The following PDE1C variants were observed in gnomAD, a reference collection of about 807,000 sequenced individuals.
PDE1C encodes phosphodiesterase 1C, also known as dual specificity calcium/calmodulin-dependent 3',5'-cyclic nucleotide phosphodiesterase 1C.
Under a neutral mutation model 93.1 loss-of-function variants are expected in PDE1C, and 62 were observed. The ratio of observed to expected loss-of-function variants is 0.67; its 90% CI spans 0.54 to 0.82. PDE1C has a LOEUF of 0.82. PDE1C is among the 40% of genes least tolerant of loss of function. The pLI is 0.00. For synonymous variants in PDE1C, 325 were observed against 310.1 expected (o/e 1.05, Z -0.50); for missense variants, 742 against 884.6 (o/e 0.84, Z 2.04).
exon 1 of PDE1C, chr7:32,298,781 C>G (rs2128901399): frequency 6.5e-7 from 1 of 1,548,138 alleles, no homozygotes; most frequent in Non-Finnish European, 8.7e-7. Flanking sequence ...CCAGCGGCGT[C>G]TGCGGTCCCC....
intron 1 of PDE1C, among the ~76,000 whole-genome samples, chr7:32,291,816 C>T (rs142955049): frequency 1.7e-3 from 263 of 152,272 alleles, no homozygotes; most frequent in African/African-American, 6.1e-3. Context: ...TCACCTCTTC[C>T]GGGAGGGGCA....
intron 2 of PDE1C, among the ~76,000 whole-genome samples, chr7:31,937,354 G>A (rs775964171): frequency 6.6e-6 from 1 of 152,166 alleles, no homozygotes; most frequent in African/African-American, 2.4e-5. Context: ...GTGTTATGTG[G>A]TACTATACCA....
chr7:32,285,955 C>T (rs1440352394), intron 1 of PDE1C, among the ~76,000 whole-genome samples: 1 of 152,216 alleles, frequency 6.6e-6, no homozygotes, highest in Non-Finnish European at 1.5e-5. Context: ...CAGCATGTTA[C>T]TTCTCAGTGT....
At chr7:32,119,237 T>A (rs1189731101) in intron 3 of PDE1C, among the ~76,000 whole-genome samples, 1 of 152,056 alleles carries the variant, frequency 6.6e-6, no homozygotes, top group Non-Finnish European at 1.5e-5. Flanking sequence ...CTGCAAACAC[T>A]CTAACTACTA....
chr7:32,088,468 G>A (rs1357256727), intron 3 of PDE1C, among the ~76,000 whole-genome samples: 1 of 152,244 alleles, frequency 6.6e-6, no homozygotes, highest in Admixed American at 6.5e-5. Flanking sequence ...AAGTATTTGG[G>A]GCCGGGCCTT....
intron 2 of PDE1C, among the ~76,000 whole-genome samples, chr7:32,180,880 A>C (rs1039741023): frequency 6.6e-6 from 1 of 152,206 alleles, no homozygotes; most frequent in Non-Finnish European, 1.5e-5. Context: ...AGGATTTAGA[A>C]ATTATGAAGA....
chr7:32,274,018 A>T (rs1269909567), intron 1 of PDE1C, among the ~76,000 whole-genome samples: 1 of 152,102 alleles, frequency 6.6e-6, no homozygotes, highest in Non-Finnish European at 1.5e-5. Context: ...TTGGGCAGAA[A>T]CATACACCAG....
chr7:32,174,085 T>G (rs1444270593), intron 2 of PDE1C, among the ~76,000 whole-genome samples: 1 of 152,158 alleles, frequency 6.6e-6, no homozygotes, highest in Non-Finnish European at 1.5e-5. Flanking sequence ...TAAGATATGG[T>G]CCTATTAATG....
chr7:31,817,397 A>C (rs1262316413), intron 14 of PDE1C, among the ~76,000 whole-genome samples: 1 of 152,178 alleles, frequency 6.6e-6, no homozygotes, highest in African/African-American at 2.4e-5. Flanking sequence ...ACAAGGGCTT[A>C]GTGATAGATG....
At chr7:32,370,447 CA>C (rs34494376) in intron 1 of PDE1C, among the ~76,000 whole-genome samples, 104,104 of 120,220 alleles carry the variant, frequency 0.87, 45,392 homozygotes, top group East Asian at 0.99. Flanking sequence ...AGACTCCTCT[CA>C]AAAAAAAAAA....
At chr7:31,891,918 T>C (rs1798697676) in intron 2 of PDE1C, among the ~76,000 whole-genome samples, 2 of 152,250 alleles carry the variant, frequency 1.3e-5, no homozygotes, top group African/African-American at 4.8e-5. Context: ...TGTGAAATTG[T>C]CCTGTAGTTT....
At chr7:31,968,555 A>G (rs2129045265) in intron 2 of PDE1C, among the ~76,000 whole-genome samples, 1 of 152,258 alleles carries the variant, frequency 6.6e-6, no homozygotes, top group Middle Eastern at 3.4e-3. Context: ...TATAGATTCA[A>G]TGCCATCCCC....
intron 2 of PDE1C, among the ~76,000 whole-genome samples, chr7:32,177,858 T>G (rs1222305842): frequency 6.6e-6 from 1 of 152,176 alleles, no homozygotes; most frequent in Non-Finnish European, 1.5e-5. Context: ...TTACTGTATT[T>G]AATAATAAAC....
chr7:32,229,663 A>G (rs546978106), intron 1 of PDE1C, among the ~76,000 whole-genome samples: 1 of 152,330 alleles, frequency 6.6e-6, no homozygotes, highest in Non-Finnish European at 1.5e-5. Context: ...GGCAATCTGT[A>G]ATCTACCTCA....
intron 17 of PDE1C, among the ~76,000 whole-genome samples, chr7:31,758,818 G>C (rs28455740): frequency 0.15 from 23,360 of 152,114 alleles, 1,989 homozygotes; most frequent in Non-Finnish European, 0.18. Context: ...GTAGAAAGGG[G>C]AGAGGGCTTC....
At chr7:32,032,414 C>A (rs1584525836) in intron 2 of PDE1C, among the ~76,000 whole-genome samples, 1 of 152,192 alleles carries the variant, frequency 6.6e-6, no homozygotes. Flanking sequence ...CTCTCTGCCA[C>A]TGGGGCATAC....
chr7:32,093,964 GAGA>G (rs1490120738), intron 3 of PDE1C, among the ~76,000 whole-genome samples: 2 of 152,200 alleles, frequency 1.3e-5, no homozygotes, highest in African/African-American at 2.4e-5. Context: ...CCAAAAGGGA[GAGA>G]AGGTTGAATG....
At chr7:32,299,973 A>G (rs893711933), upstream of PDE1C, among the ~76,000 whole-genome samples, 4 of 152,194 alleles carry the variant, frequency 2.6e-5, no homozygotes, top group East Asian at 5.8e-4. Context: ...GAAATTTGAC[A>G]CAATTAACGA....
intron 2 of PDE1C, among the ~76,000 whole-genome samples, chr7:31,905,804 C>G (rs529530103): frequency 2.2e-4 from 33 of 152,090 alleles, no homozygotes; most frequent in Non-Finnish European, 4.6e-4. Context: ...AAGGGAGGAA[C>G]CTGGTAGGAG....
Sources: allele counts gnomAD v4.1 joint callset (sites outside exome capture counted in the v4.1 genomes callset), GRCh38; gene constraint gnomAD v4.1.1; transcripts MANE v1.5; gene names NCBI Gene and HGNC (gene_info 2026-07-23, HGNC 2026-07-21).